Variants in BCAS3 observed in about 807,000 individuals in gnomAD.
BCAS3 encodes the protein BCAS4/BCAS3 fusion.
In BCAS3, 53 loss-of-function variants were observed where a neutral mutation model predicts 116.1. The observed-to-expected ratio is 0.46, with a 90% CI of 0.37 to 0.57. BCAS3 has a LOEUF of 0.57. Among genes scored for constraint, BCAS3 ranks in the 20% least tolerant of loss-of-function variants. BCAS3 has a pLI of 0.00. For synonymous variants in BCAS3, 391 were observed against 408.2 expected (o/e 0.96, Z 0.51); for missense variants, 917 against 1,165.4 (o/e 0.79, Z 3.10).
intron 23 of BCAS3, among the ~76,000 whole-genome samples, chr17:61,372,613 G>C (rs556737237): frequency 6.6e-6 from 1 of 151,958 alleles, no homozygotes; most frequent in Admixed American, 6.5e-5. Flanking sequence ...CACTGCCCTC[G>C]CTCCAGACTC....
At chr17:61,260,323 A>T (rs983860030) in intron 22 of BCAS3, among the ~76,000 whole-genome samples, 23 of 152,198 alleles carry the variant, frequency 1.5e-4, no homozygotes, top group Admixed American at 5.9e-4. Context: ...AGAAACCCAT[A>T]GTACGTTAGA....
chr17:60,715,317 A>G (rs2038454491), intron 5 of BCAS3, among the ~76,000 whole-genome samples: 1 of 151,230 alleles, frequency 6.6e-6, no homozygotes. Flanking sequence ...TGTAATTTTT[A>G]GTAGAGACGG....
chr17:60,734,550 G>T lies in BCAS3; in HGVS notation c.322-12648G>T, dbSNP rs141968517. 1.5e-3 allele frequency among the ~76,000 whole-genome samples: 222 copies of T among 152,274 alleles called. 1 individual carries two copies. The highest frequency in any genetic ancestry group is 5.1e-3 in the African/African-American group (211 of 41,554). ...TCTACATTCATTTTATTGCATGTGGGTGTCCAGTTTTTTCAGCACTATTTG... is the reference window on the plus strand; with the variant it reads ...TCTACATTCATTTTATTGCATGTGGTTGTCCAGTTTTTTCAGCACTATTTG... On this transcript the variant is annotated intron_variant, in intron 5 of 23. Transcript: ENST00000407086.
At chr17:60,932,742 C>CAA (rs1167994825) in intron 13 of BCAS3, among the ~76,000 whole-genome samples, 547 of 37,802 alleles carry the variant, frequency 0.014, 21 homozygotes, top group Non-Finnish European at 0.023. Flanking sequence ...ACTCTTGTCT[C>CAA]AAAAAAAAAA....
intron 7 of BCAS3, chr17:60,810,345 C>T: frequency 2.2e-6 from 1 of 447,892 alleles, no homozygotes; most frequent in Non-Finnish European, 4.3e-6. Flanking sequence ...GCATGGGGTC[C>T]AGGGGCCTGG....
intron 22 of BCAS3, among the ~76,000 whole-genome samples, chr17:61,260,561 A>G (rs1375666686): frequency 6.6e-6 from 1 of 152,216 alleles, no homozygotes; most frequent in African/African-American, 2.4e-5. Flanking sequence ...TCAGAGCTTC[A>G]AGGAACTCTG....
At chr17:60,868,970 T>TTAA (rs537317548) in intron 8 of BCAS3, among the ~76,000 whole-genome samples, 37 of 152,248 alleles carry the variant, frequency 2.4e-4, no homozygotes, top group Non-Finnish European at 5.0e-4. Flanking sequence ...CTTAAAAAGG[T>TTAA]TAAGTATGGT....
intron 4 of BCAS3, among the ~76,000 whole-genome samples, chr17:60,695,834 AG>A (rs1332938543): frequency 6.6e-6 from 1 of 152,042 alleles, no homozygotes; most frequent in African/African-American, 2.4e-5. Flanking sequence ...ACTGGCCTCA[AG>A]GAATCCTCCT....
chr17:61,163,219 T>C (rs986850514), intron 22 of BCAS3, among the ~76,000 whole-genome samples: 3 of 151,602 alleles, frequency 2.0e-5, no homozygotes, highest in African/African-American at 7.3e-5. Context: ...GGTCAGGAGA[T>C]CAAGACCATC....
rs1273664689 is a variant in BCAS3, at chr17:61,056,773, G to A, written c.2029+15881G>A. ...CCTATTAAGTGATGTACTACTGCAT[G>A]CTCTCAGATATTGAGACACAGAGGT... On this transcript the variant is annotated intron_variant, in intron 19 of 23. Coordinates refer to ENST00000407086, the MANE Select transcript of BCAS3 (RefSeq NM_017679.5). This position sits in a 1 kb window ranked among gnomAD's most constrained non-coding sequence, Gnocchi z 4.9. Among the ~76,000 whole-genome samples, 1 of 152,188 alleles carries A rather than the reference G, an allele frequency of 6.6e-6. No homozygotes were observed. Among genetic ancestry groups the A allele is most frequent in the African/African-American group, 2.4e-5 (1 of 41,436 alleles).
intron 3 of BCAS3, among the ~76,000 whole-genome samples, chr17:60,689,352 T>G (rs1199985966): frequency 6.6e-6 from 1 of 152,178 alleles, no homozygotes; most frequent in Admixed American, 6.5e-5. Context: ...ATTTTTGTGT[T>G]TTTAGTAGAG....
chr17:60,797,543 A>T (rs764616096), intron 6 of BCAS3, among the ~76,000 whole-genome samples: 89 of 151,930 alleles, frequency 5.9e-4, no homozygotes, highest in South Asian at 2.1e-4. Flanking sequence ...TTTACTTTTA[A>T]TTTATTATAC....
intron 9 of BCAS3, among the ~76,000 whole-genome samples, chr17:60,882,981 A>G (rs2056318985): frequency 8.3e-6 from 1 of 119,996 alleles, no homozygotes; most frequent in Non-Finnish European, 1.7e-5. Flanking sequence ...CTGTGAAGAA[A>G]GTCATTGGTA....
intron 7 of BCAS3, among the ~76,000 whole-genome samples, chr17:60,848,508 C>T (rs2052733041): frequency 6.6e-6 from 1 of 152,140 alleles, no homozygotes; most frequent in South Asian, 2.1e-4. Flanking sequence ...AATATATTAT[C>T]TGTGAATAGA....
intron 6 of BCAS3, among the ~76,000 whole-genome samples, chr17:60,755,664 C>G (rs1302705423): frequency 6.6e-6 from 1 of 152,114 alleles, no homozygotes; most frequent in Non-Finnish European, 1.5e-5. Flanking sequence ...ATTAGTTGAG[C>G]ATTTTCCTGA....
chr17:60,844,804 T>C (rs548322999), intron 7 of BCAS3, among the ~76,000 whole-genome samples: 34 of 152,318 alleles, frequency 2.2e-4, no homozygotes, highest in African/African-American at 7.5e-4. Flanking sequence ...GATATCATTG[T>C]AGTCAGTGAG....
At chr17:60,988,338 C>CTTTTTTTTTTTTTTTTTTTTTTTTTT (rs71148317) in intron 14 of BCAS3, among the ~76,000 whole-genome samples, 6 of 66,758 alleles carry the variant, frequency 9.0e-5, no homozygotes, top group East Asian at 5.7e-4. Context: ...TTTTCTTTTT[C>CTTTTTTTTTTTTTTTTTTTTTTTTTT]TTTTTTTTTT....
rs1039476783 is a variant in BCAS3, at chr17:61,309,746, T to C, written c.2426-58581T>C. ...TTGCGGAACAGCTGCTGTGGAAAAG[T>C]AGTGGCCTGTTTATGGGTTGAGGAG... On this transcript the variant is annotated intron_variant, in intron 22 of 23. Coordinates refer to ENST00000407086, the MANE Select transcript of BCAS3 (RefSeq NM_017679.5). This position sits in a 1 kb window ranked among gnomAD's most constrained non-coding sequence, Gnocchi z 4.6. Among the ~76,000 whole-genome samples, 5 of 152,072 alleles carry C rather than the reference T, an allele frequency of 3.3e-5. No individual in the cohort carries two copies. Among genetic ancestry groups the C allele is most frequent in the African/African-American group, 1.2e-4 (5 of 41,414 alleles).
At chr17:60,957,052 C>T (rs771677625) in intron 14 of BCAS3, among the ~76,000 whole-genome samples, 18 of 152,094 alleles carry the variant, frequency 1.2e-4, no homozygotes, top group Non-Finnish European at 2.5e-4. Flanking sequence ...AGTAATTTTC[C>T]TCGTAAAGCA....
Sources: allele counts gnomAD v4.1 joint callset (sites outside exome capture counted in the v4.1 genomes callset), GRCh38; gene constraint gnomAD v4.1.1; non-coding constraint Gnocchi (gnomAD v3.1); transcripts MANE v1.5; gene names NCBI Gene and HGNC (gene_info 2026-07-23, HGNC 2026-07-21).